The following MYO5B variants were observed in gnomAD, a reference collection of about 807,000 sequenced individuals.
MYO5B encodes myosin VB, also known as unconventional myosin-Vb.
MYO5B carries 143 observed loss-of-function variants against 229.3 expected under a neutral mutation model. The ratio of observed to expected loss-of-function variants is 0.62; its 90% confidence interval spans 0.54 to 0.72. The LOEUF (loss-of-function observed/expected upper bound fraction) is 0.72. Ranked by LOEUF, MYO5B falls within the 30% of genes least tolerant of loss-of-function variation. MYO5B has a pLI of 0.00. For synonymous variants in MYO5B, 918 were observed against 885.2 expected (o/e 1.04, Z -0.66); for missense variants, 2,321 against 2,331.0 (o/e 1.00, Z 0.09).
At chr18:50,146,453 C>T (rs911861641) in intron 1 of MYO5B, among the ~76,000 whole-genome samples, 1 of 152,184 alleles carries the variant, frequency 6.6e-6, no homozygotes, top group African/African-American at 2.4e-5. Flanking sequence ...TCAGTGCAGT[C>T]AGGAGACTGG....
chr18:49,978,914 A>C (rs1315737987), intron 9 of MYO5B, among the ~76,000 whole-genome samples: 1 of 152,144 alleles, frequency 6.6e-6, no homozygotes, highest in East Asian at 1.9e-4. Flanking sequence ...TGGTCACTGC[A>C]GGTGTTCCTC....
intron 1 of MYO5B, among the ~76,000 whole-genome samples, chr18:50,084,085 G>A (rs1511153): frequency 0.034 from 5,172 of 152,144 alleles, 286 homozygotes; most frequent in East Asian, 0.21. Context: ...GCGTAATAAC[G>A]TTTTCAGAAC....
At chr18:50,046,187 C>G (rs575321055) in intron 2 of MYO5B, among the ~76,000 whole-genome samples, 4 of 152,224 alleles carry the variant, frequency 2.6e-5, no homozygotes, top group African/African-American at 9.6e-5. Context: ...AGGAGTCAAC[C>G]CCTGTATTCA....
chr18:49,870,603 T>G (rs1466919598), intron 27 of MYO5B, among the ~76,000 whole-genome samples: 1 of 151,926 alleles, frequency 6.6e-6, no homozygotes, highest in Non-Finnish European at 1.5e-5. Flanking sequence ...ACAGCATAAT[T>G]CAGAAATGGT....
intron 20 of MYO5B, among the ~76,000 whole-genome samples, chr18:49,903,398 A>G (rs1000692830): frequency 1.3e-5 from 2 of 152,224 alleles, no homozygotes; most frequent in African/African-American, 4.8e-5. Flanking sequence ...AGGCTGAGCA[A>G]TGAACAGTGC....
intron 9 of MYO5B, among the ~76,000 whole-genome samples, chr18:49,974,899 AATT>A (rs2025733419): frequency 6.6e-6 from 1 of 151,930 alleles, no homozygotes; most frequent in African/African-American, 2.4e-5. Context: ...CTAATGACCA[AATT>A]ATAGGACTTT....
chr18:50,121,223 G>A (rs868569489), intron 1 of MYO5B, among the ~76,000 whole-genome samples: 8 of 152,240 alleles, frequency 5.3e-5, no homozygotes, highest in African/African-American at 9.6e-5. Context: ...GCGTGCCCAC[G>A]TGGTCTTCAT....
intron 39 of MYO5B, among the ~76,000 whole-genome samples, chr18:49,832,785 G>C (rs2023938704): frequency 2.0e-5 from 3 of 152,142 alleles, no homozygotes; most frequent in African/African-American, 7.2e-5. Flanking sequence ...TGAAATAATG[G>C]GAGAGAAGTT....
At chr18:49,976,036 T>G (rs1016346436) in intron 9 of MYO5B, among the ~76,000 whole-genome samples, 14 of 152,254 alleles carry the variant, frequency 9.2e-5, no homozygotes, top group Non-Finnish European at 1.6e-4. Context: ...TCATCGTTGT[T>G]ATTCATTCTC....
chr18:50,006,616 A>G (rs1486267102), intron 4 of MYO5B, among the ~76,000 whole-genome samples: 1 of 152,148 alleles, frequency 6.6e-6, no homozygotes, highest in Non-Finnish European at 1.5e-5. Flanking sequence ...GACACCTGAG[A>G]GGCAGGACTT....
chr18:50,033,716 T>A (rs936245190), intron 4 of MYO5B, among the ~76,000 whole-genome samples: 1 of 152,164 alleles, frequency 6.6e-6, no homozygotes, highest in Non-Finnish European at 1.5e-5. Flanking sequence ...AGGATTCTCA[T>A]GCAGTGGACA....
chr18:50,102,309 T>C (rs1278282049), intron 1 of MYO5B, among the ~76,000 whole-genome samples: 1 of 151,862 alleles, frequency 6.6e-6, no homozygotes, highest in Non-Finnish European at 1.5e-5. Flanking sequence ...ACCACATACT[T>C]ATGTAACAAA....
intron 39 of MYO5B, among the ~76,000 whole-genome samples, chr18:49,831,127 A>G (rs1308725773): frequency 6.6e-6 from 1 of 152,202 alleles, no homozygotes; most frequent in Non-Finnish European, 1.5e-5. Flanking sequence ...TTCACCTTAT[A>G]CCATATACAA....
chr18:49,946,014 GATGTT>G, intron 14 of MYO5B, among the ~76,000 whole-genome samples: 2 of 152,228 alleles, frequency 1.3e-5, no homozygotes, highest in Non-Finnish European at 2.9e-5. Flanking sequence ...GAATTTTCAA[GATGTT>G]TGAGGCATGG....
In MYO5B at chr18:49,953,452, A is replaced by T. The variant is rs1484998012; in HGVS notation, c.1669-109T>A. The stretch of plus-strand genomic sequence containing the variant: ...TTTCTGAAAAGAGCTGTGAGTAGAT[A>T]GGAAACCCACAGATGTTTCCACTTA... On this transcript the variant is annotated intron_variant, in intron 13 of 39. Transcript: ENST00000285039. 4 of 914,762 alleles carry T rather than the reference A, an allele frequency of 4.4e-6. No individual in the cohort carries two copies. In the East Asian group the frequency reaches 9.8e-5, roughly 22 times the overall value. 56.7% of individuals were successfully genotyped at this position (914,762 alleles called of 1,614,324 possible). A position where few individuals can be genotyped will look rare whatever the true frequency, so the allele number is the denominator to read the frequency against.
At chr18:49,935,278 TA>T (rs1224522974) in intron 16 of MYO5B, among the ~76,000 whole-genome samples, 1 of 152,064 alleles carries the variant, frequency 6.6e-6, no homozygotes, top group Non-Finnish European at 1.5e-5. Flanking sequence ...CAAAATAAAT[TA>T]AAATGAAATA....
Position 49,877,796 on chromosome 18 carries a change from G to T in MYO5B, c.3363C>A (p.Ile1121=). The T allele has an allele frequency of 3.7e-6, 6 of 1,614,104 alleles. No individual in the cohort carries two copies. Among genetic ancestry groups the T allele is most frequent in the Middle Eastern group, 1.7e-4 (1 of 6,060 alleles). The change falls in exon 25 of 40, where the codon ATC becomes ATA. Residue 1121 remains isoleucine (I), a synonymous_variant. Coordinates refer to ENST00000285039, the MANE Select transcript of MYO5B (RefSeq NM_001080467.3). ...SNYPSISTSE[I]GDTEDALQQV... The stretch of plus-strand genomic sequence containing the variant: ...GCTGGAGGGCATCCTCAGTGTCTCC[G>T]ATCTCAGATGTGGAGATGGAGGGGT...
chr18:49,830,145 C>CCACACA (rs57718809), intron 39 of MYO5B, among the ~76,000 whole-genome samples: 34,036 of 149,772 alleles, frequency 0.23, 3,962 homozygotes, highest in Non-Finnish European at 0.26. Context: ...CTGAAAGAAT[C>CCACACA]CACACACACA....
chr18:49,878,855 T>C (rs2024555168), intron 24 of MYO5B, 90 bp downstream of exon 24: 2 of 1,456,964 alleles, frequency 1.4e-6, no homozygotes, highest in East Asian at 2.3e-5. Flanking sequence ...GAGCATCACA[T>C]ATCAGAAAGC....
Sources: allele counts gnomAD v4.1 joint callset (sites outside exome capture counted in the v4.1 genomes callset), GRCh38; gene constraint gnomAD v4.1.1; transcripts MANE v1.5; gene names NCBI Gene and HGNC (gene_info 2026-07-23, HGNC 2026-07-21).